Variants in EVL observed in about 807,000 individuals in gnomAD.
EVL encodes Enah/Vasp-like, also known as ena/VASP-like protein.
Under a neutral mutation model 59.6 loss-of-function variants are expected in EVL, and 21 were observed. That is an observed-to-expected ratio of 0.35 (90% CI 0.25 to 0.51). The LOEUF (loss-of-function observed/expected upper bound fraction) is 0.51, where lower values mean the gene tolerates loss of function less well. EVL is among the 20% of genes least tolerant of loss of function. The pLI, the probability that EVL is intolerant of heterozygous loss-of-function variation, is 0.97. For missense variants in EVL, 462 were observed against 546.6 expected (o/e 0.85, Z 1.54); for synonymous variants, 198 against 203.5 (o/e 0.97, Z 0.23).
intron 1 of EVL, among the ~76,000 whole-genome samples, chr14:100,015,229 A>G (rs993712555): frequency 6.6e-6 from 1 of 152,242 alleles, no homozygotes; most frequent in East Asian, 1.9e-4. Context: ...AGTACTAACA[A>G]ATCATAAATT....
At chr14:100,016,091 A>T (rs187160599) in intron 1 of EVL, among the ~76,000 whole-genome samples, 10,831 of 150,912 alleles carry the variant, frequency 0.072, 448 homozygotes, top group African/African-American at 0.095. Context: ...AAAAAAAAAA[A>T]AAAAATTAAT....
rs539928740 is a variant in EVL at position 100,125,314 on chromosome 14, T to C, written c.423-1393T>C. ...CACACGGCAGGGAGACTCTCGCTTG[T>C]CCCACGCAACTTTACTGGAGGTGGG... is the stretch of plus-strand genomic sequence containing the variant. On this transcript the variant is annotated intron_variant, in intron 4 of 13. Transcript: ENST00000392920. Among the ~76,000 whole-genome samples, 13 of 151,406 alleles carry C rather than the reference T, an allele frequency of 8.6e-5. 1 individual carries two copies. The highest frequency in any genetic ancestry group is 1.5e-4 in the Non-Finnish European group (10 of 67,966).
At position 100,014,472 on chromosome 14, in the gene EVL, T is replaced by G. The variant is rs541967227; in HGVS notation, c.5+42415T>G. On this transcript the variant is annotated intron_variant, in intron 1 of 13. Coordinates refer to the EVL transcript ENST00000402714. The stretch of plus-strand genomic sequence containing the variant: ...TGCAGATGACAGGACTCATTGTTTT[T>G]TATGGTTGAATAGTACTCCACTGTG... Among the ~76,000 whole-genome samples the G allele has an allele frequency of 2.2e-4, 33 of 152,348 alleles. 1 individual carries two copies. The South Asian group carries it at 6.8e-3, about 32-fold the overall frequency.
At chr14:99,996,435 GT>G (rs2060914842) in intron 1 of EVL, among the ~76,000 whole-genome samples, 1 of 152,096 alleles carries the variant, frequency 6.6e-6, no homozygotes, top group South Asian at 2.1e-4. Flanking sequence ...CCTTTATATA[GT>G]TCATGAAATG....
intron 1 of EVL, among the ~76,000 whole-genome samples, chr14:100,059,696 T>C (rs866028025): frequency 6.6e-6 from 1 of 151,510 alleles, no homozygotes; most frequent in Non-Finnish European, 1.5e-5. Flanking sequence ...TGTCACACTT[T>C]AGGAGTAGGA....
intron 1 of EVL, among the ~76,000 whole-genome samples, chr14:100,070,426 C>G (rs763206548): frequency 2.0e-5 from 3 of 152,148 alleles, no homozygotes; most frequent in Non-Finnish European, 2.9e-5. Context: ...AGGGTAGAAT[C>G]GAGGCCCTCC....
At chr14:100,036,126 A>G (rs2061384968) in intron 1 of EVL, among the ~76,000 whole-genome samples, 1 of 152,120 alleles carries the variant, frequency 6.6e-6, no homozygotes, top group South Asian at 2.1e-4. Flanking sequence ...TTGTCATAGG[A>G]CCAGAAACCC....
upstream of EVL, among the ~76,000 whole-genome samples, chr14:100,061,927 G>C (rs1186752146): frequency 1.3e-5 from 2 of 151,694 alleles, no homozygotes; most frequent in Non-Finnish European, 2.9e-5. Context: ...GAAAAGGAGG[G>C]GTTGGTCTTG....
intron 1 of EVL, among the ~76,000 whole-genome samples, chr14:100,051,886 C>G (rs1006731816): frequency 1.3e-5 from 2 of 152,184 alleles, no homozygotes; most frequent in East Asian, 3.8e-4. Context: ...CATGGCTTCT[C>G]CTCTTACTGT....
intron 1 of EVL, among the ~76,000 whole-genome samples, chr14:100,072,889 G>A (rs895287944): frequency 3.3e-4 from 50 of 152,358 alleles, no homozygotes; most frequent in African/African-American, 1.2e-3. Flanking sequence ...GAGCCTTACT[G>A]CACGGCGGAG....
intron 9 of EVL, chr14:100,137,273 G>A: frequency 2.2e-6 from 1 of 452,106 alleles, no homozygotes; most frequent in Non-Finnish European, 4.1e-6. Flanking sequence ...GATGTCCGGG[G>A]AGGTCGTGCT....
rs758759453 is a variant in EVL, at chr14:100,143,694, C to A, written c.1220-7C>A. On this transcript the variant is annotated splice_polypyrimidine_tract_variant and splice_region_variant and intron_variant, in intron 13 of 13. Coordinates refer to ENST00000392920, the MANE Select transcript of EVL (RefSeq NM_016337.3). Reference sequence around the variant, plus strand: ...CTGCACCTGAGCCGCCGCCACCTGTCCCGCAGCCATCAGGCAGGAGCTGAG... The same window carrying A: ...CTGCACCTGAGCCGCCGCCACCTGTACCGCAGCCATCAGGCAGGAGCTGAG... 3.7e-6 allele frequency: 6 copies of A among 1,611,942 alleles called. No homozygotes were observed. Among genetic ancestry groups the A allele is most frequent in the Non-Finnish European group, 5.1e-6 (6 of 1,179,900 alleles).
At chr14:99,975,880 C>G (rs1191028) in intron 1 of EVL, among the ~76,000 whole-genome samples, 17,241 of 152,124 alleles carry the variant, frequency 0.11, 1,126 homozygotes, top group East Asian at 0.29. Flanking sequence ...CTGCATTTTA[C>G]ATGTTTCTCT....
At chr14:100,043,231 G>A (rs1323088866) in intron 1 of EVL, among the ~76,000 whole-genome samples, 1 of 151,572 alleles carries the variant, frequency 6.6e-6, no homozygotes, top group Non-Finnish European at 1.5e-5. Context: ...ATATATATAT[G>A]TATGTGTGTG....
At chr14:100,074,341 G>A (rs1160574189) in intron 1 of EVL, among the ~76,000 whole-genome samples, 1 of 152,166 alleles carries the variant, frequency 6.6e-6, no homozygotes, top group African/African-American at 2.4e-5. Flanking sequence ...GCCTCATATG[G>A]ATTTGCTGTT....
At chr14:100,132,012 C>G (rs1212037336) in intron 7 of EVL, among the ~76,000 whole-genome samples, 11 of 152,034 alleles carry the variant, frequency 7.2e-5, no homozygotes, top group Admixed American at 7.2e-4. Flanking sequence ...CAGCTCATCT[C>G]AAGTTGAAAA....
At position 100,141,726 on chromosome 14, in the gene EVL, C is replaced by G. The variant is rs372977649; in HGVS notation, c.1162-10C>G. 1 of 1,613,126 alleles carries G rather than the reference C, an allele frequency of 6.2e-7. No homozygotes were observed. On this transcript the variant is annotated splice_polypyrimidine_tract_variant and intron_variant, in intron 12 of 13. Transcript: ENST00000392920. ...CCTGTCCCTTCACCTGGACACTCCT[C>G]TCCCAACAGGAGATCCTAGAGGAGG...
intron 1 of EVL, among the ~76,000 whole-genome samples, chr14:99,994,609 A>G (rs1354315699): frequency 1.3e-5 from 2 of 152,160 alleles, no homozygotes; most frequent in Non-Finnish European, 2.9e-5. Flanking sequence ...TTTTTATTTC[A>G]TATCCATTAA....
rs146510526 is a variant in EVL, at chr14:99,982,342, T to C, written c.5+10285T>C. Among the ~76,000 whole-genome samples the C allele has an allele frequency of 3.4e-3, 516 of 152,360 alleles. 6 individuals carry two copies. Among genetic ancestry groups the C allele is most frequent in the Middle Eastern group, 0.027 (8 of 294 alleles). Reference sequence around the variant, plus strand: ...CTGAATAATAGTCTGTCAGATGGTATACTATAATTTATTCGTAATATATAT... The same window carrying C: ...CTGAATAATAGTCTGTCAGATGGTACACTATAATTTATTCGTAATATATAT... On this transcript the variant is annotated intron_variant, in intron 1 of 13. Coordinates refer to the EVL transcript ENST00000402714.
Sources: gnomAD v4.1 joint callset for allele counts (sites outside exome capture counted in the v4.1 genomes callset) on GRCh38, gnomAD v4.1.1 for gene constraint, MANE v1.5 for transcripts, NCBI Gene and HGNC (gene_info 2026-07-23, HGNC 2026-07-21) for gene names.